TIGIT: variants seen among roughly 807,000 people sequenced by gnomAD.
The protein encoded by TIGIT is T cell immunoreceptor with Ig and ITIM domains, also known as T-cell immunoreceptor with Ig and ITIM domains.
Under a neutral mutation model 19.6 loss-of-function variants are expected in TIGIT, and 11 were observed. The observed-to-expected ratio is 0.56, with a 90% CI of 0.35 to 0.93. The LOEUF (loss-of-function observed/expected upper bound fraction) is 0.93, where lower values mean the gene tolerates loss of function less well. TIGIT is among the 40% of genes least tolerant of loss of function. The pLI, the probability that TIGIT is intolerant of heterozygous loss-of-function variation, is 0.01. For missense variants in TIGIT, 295 were observed against 303.9 expected (o/e 0.97, Z 0.22); for synonymous variants, 130 against 125.5 (o/e 1.04, Z -0.24).
At chr3:114,301,521 TG>T (rs1410074807) in intron 3 of TIGIT, among the ~76,000 whole-genome samples, 1 of 152,140 alleles carries the variant, frequency 6.6e-6, no homozygotes, top group African/African-American at 2.4e-5. Flanking sequence ...GCTGCTATGG[TG>T]GTTGGTGAAC....
intron 2 of TIGIT, among the ~76,000 whole-genome samples, chr3:114,297,339 A>G (rs2078461537): frequency 2.0e-5 from 3 of 152,192 alleles, no homozygotes; most frequent in South Asian, 2.1e-4. Context: ...ATGAGCTGAT[A>G]CAAGTAAGGT....
rs2107956980 is a variant in TIGIT, at chr3:114,308,053, T to C, written c.657T>C (p.Cys219=). 1.2e-6 allele frequency: 2 copies of C among 1,614,202 alleles called. No homozygotes were observed. The highest frequency in any genetic ancestry group is 1.7e-6 in the Non-Finnish European group (2 of 1,180,034). The change falls in exon 4 of 4, where the codon TGT becomes TGC. Residue 219 remains cysteine (C), a synonymous_variant. Transcript: ENST00000383671. ...GTGGAGAGCAGCGGGGAGAGGACTG[T>C]GCCGAGCTGCATGACTACTTCAATG... ...GLCGEQRGED[C]AELHDYFNVL... is the part of the protein sequence containing the mutation.
In TIGIT at chr3:114,310,011, T is replaced by G. The variant is rs1172100045; in HGVS notation, c.*1880T>G. 1 of 152,202 alleles carries G rather than the reference T, an allele frequency of 6.6e-6. No individual in the cohort carries two copies. Among genetic ancestry groups the G allele is most frequent in the Non-Finnish European group, 1.5e-5 (1 of 68,034 alleles). The allele number at this position is 152,202 out of a possible 1,614,324, so 9.4% of individuals were successfully genotyped here. On this transcript the variant is annotated 3_prime_UTR_variant, in exon 4 of 4. Coordinates refer to ENST00000383671, the MANE Select transcript of TIGIT (RefSeq NM_173799.4). The stretch of plus-strand genomic sequence containing the variant: ...TTTAAATAGAACTCACTGAACTAGA[T>G]TCTCCTCTGAGAACCAGAGAAGACC...
In TIGIT at chr3:114,308,215, C is replaced by CTGTG; in HGVS notation, c.*86_*87insTGTG. The CTGTG allele has an allele frequency of 2.0e-6, 2 of 992,218 alleles. No individual in the cohort carries two copies. Among genetic ancestry groups the CTGTG allele is most frequent in the Non-Finnish European group, 1.6e-6 (1 of 643,298 alleles). 61.5% of individuals were successfully genotyped at this position (992,218 alleles called of 1,614,324 possible). A position where few individuals can be genotyped will look rare whatever the true frequency, so the allele number is the denominator to read the frequency against. ...TAAGCAGCTGTACTCTCCATCAGTG[C>CTGTG]TGCGTGTGTGTGTGTGTGTGTATGT... On this transcript the variant is annotated 3_prime_UTR_variant, in exon 4 of 4. Transcript: ENST00000383671.
At position 114,309,051 on chromosome 3, in the gene TIGIT, C is replaced by T. The variant is rs1260398402; in HGVS notation, c.*920C>T. 1 of 152,230 alleles carries T rather than the reference C, an allele frequency of 6.6e-6. No individual in the cohort carries two copies. The highest frequency in any genetic ancestry group is 2.4e-5 in the African/African-American group (1 of 41,434). 9.4% of individuals were successfully genotyped at this position (152,230 alleles called of 1,614,324 possible). ...AAGCCCCAGGAAACGCACATGCCCA[C>T]ACAGGGAGCCAAGTCGTAGCATTTG... is the stretch of plus-strand genomic sequence containing the variant. On this transcript the variant is annotated 3_prime_UTR_variant, in exon 4 of 4. Transcript: ENST00000383671.
intron 2 of TIGIT, among the ~76,000 whole-genome samples, chr3:114,297,123 C>T (rs1004363739): frequency 6.6e-6 from 1 of 151,856 alleles, no homozygotes. Flanking sequence ...CTCAAACTCC[C>T]GACCTCCAGT....
chr3:114,308,154 G>A lies in TIGIT; in HGVS notation c.*23G>A. The A allele has an allele frequency of 6.2e-7, 1 of 1,601,472 alleles. No homozygotes were observed. Among genetic ancestry groups the A allele is most frequent in the South Asian group, 1.1e-5 (1 of 90,482 alleles). On this transcript the variant is annotated 3_prime_UTR_variant, in exon 4 of 4. Transcript: ENST00000383671. ...TAGCAACCAGAGGCATCTTCTGGAA[G>A]ATACACTTTTGTCTTTGCTATTATA... is the stretch of plus-strand genomic sequence containing the variant.
intron 2 of TIGIT, among the ~76,000 whole-genome samples, chr3:114,298,962 C>T (rs771465485): frequency 2.4e-4 from 37 of 152,344 alleles, no homozygotes; most frequent in Middle Eastern, 3.4e-3. Context: ...CTTCTTGCTT[C>T]CACTTACATG....
chr3:114,295,899 G>T, intron 2 of TIGIT, 25 bp downstream of exon 2: 2 of 1,556,614 alleles, frequency 1.3e-6, no homozygotes, highest in Non-Finnish European at 1.8e-6. Flanking sequence ...GCAAGTTGGT[G>T]GATAAACCTC....
intron 3 of TIGIT, among the ~76,000 whole-genome samples, chr3:114,306,375 C>T (rs937988523): frequency 1.3e-5 from 2 of 152,178 alleles, no homozygotes; most frequent in Admixed American, 6.5e-5. Flanking sequence ...GCTCTCTCAG[C>T]TCCCTTAATC....
chr3:114,308,081 C>G lies in TIGIT; in HGVS notation c.685C>G (p.Leu229Val), dbSNP rs935162780. The change falls in exon 4 of 4, where the codon CTG (leucine) becomes GTG (valine). Residue 229 changes from leucine (L) to valine (V), a missense_variant. Transcript: ENST00000383671. ...CGAGCTGCATGACTACTTCAATGTC[C>G]TGAGTTACAGAAGCCTGGGTAACTG... ...CAELHDYFNV[L>V]SYRSLGNCSF... The G allele has an allele frequency of 1.2e-6, 2 of 1,614,172 alleles. No homozygotes were observed. The highest frequency in any genetic ancestry group is 1.3e-5 in the African/African-American group (1 of 75,030).
Position 114,308,721 on chromosome 3 carries a change from C to G in TIGIT, c.*590C>G, listed in dbSNP as rs1448490139. On this transcript the variant is annotated 3_prime_UTR_variant, in exon 4 of 4. Coordinates refer to ENST00000383671, the MANE Select transcript of TIGIT (RefSeq NM_173799.4). The stretch of plus-strand genomic sequence containing the variant: ...AAGGAGAGAAGGAGACATACACAGG[C>G]CTTCAGGAAGAGACGACAGTTTGGG... 1.3e-5 allele frequency: 2 copies of G among 152,418 alleles called. No homozygotes were observed. The highest frequency in any genetic ancestry group is 2.9e-5 in the Non-Finnish European group (2 of 68,282). 9.4% of individuals were successfully genotyped at this position (152,418 alleles called of 1,614,324 possible).
chr3:114,303,219 C>T (rs953310442), intron 3 of TIGIT, among the ~76,000 whole-genome samples: 54 of 151,842 alleles, frequency 3.6e-4, no homozygotes, highest in South Asian at 4.2e-4. Flanking sequence ...ACCCATCACC[C>T]GAACAGTGTA....
intron 3 of TIGIT, 96 bp from the exon 4 acceptor site, chr3:114,307,799 G>C: frequency 9.1e-7 from 1 of 1,097,872 alleles, no homozygotes. Context: ...TTGCTGGTGT[G>C]CATGTGTGTA....
rs1702346164 is a variant in TIGIT, at chr3:114,301,101, A to G, written c.498+1398A>G. Among the ~76,000 whole-genome samples, 3 of 152,172 alleles carry G rather than the reference A, an allele frequency of 2.0e-5. No homozygotes were observed. The South Asian group carries it at 6.2e-4, about 31-fold the overall frequency. ...TCAGCTACTGGTATTGATTGGGAGG[A>G]GTGAAAGAATTTCCACTCCTTGTTT... On this transcript the variant is annotated intron_variant, in intron 3 of 3. Coordinates refer to ENST00000383671, the MANE Select transcript of TIGIT (RefSeq NM_173799.4).
Position 114,309,162 on chromosome 3 carries a change from T to A in TIGIT, c.*1031T>A, listed in dbSNP as rs1243497736. The A allele has an allele frequency of 2.0e-5, 3 of 152,208 alleles. No homozygotes were observed. The highest frequency in any genetic ancestry group is 4.8e-5 in the African/African-American group (2 of 41,456). The allele number at this position is 152,208 out of a possible 1,614,324, so 9.4% of individuals were successfully genotyped here. On this transcript the variant is annotated 3_prime_UTR_variant, in exon 4 of 4. Coordinates refer to ENST00000383671, the MANE Select transcript of TIGIT (RefSeq NM_173799.4). ...CCACTAAAAAGAAAATGTGGATTTT[T>A]AAAATAGGGACTCTTCCTAGGGGAA...
At position 114,295,499 on chromosome 3, in the gene TIGIT, C is replaced by T. The variant is rs532564018; in HGVS notation, c.62-46C>T. ...AGAATTTTTCTAGGAAGGTTGAAGG[C>T]CAGCTGCTGACCCAGGACTCACATG... On this transcript the variant is annotated intron_variant, in intron 1 of 3. Transcript: ENST00000383671. The T allele has an allele frequency of 3.8e-4, 573 of 1,521,164 alleles. 8 individuals are homozygous for T. The South Asian group carries it at 6.6e-3, about 18-fold the overall frequency. The allele number at this position is 1,521,164 out of a possible 1,614,324, so 94.2% of individuals were successfully genotyped here.
In TIGIT at chr3:114,308,961, G is replaced by A. The variant is rs1057224521; in HGVS notation, c.*830G>A. 2.6e-5 allele frequency: 4 copies of A among 152,214 alleles called. No individual in the cohort carries two copies. Among genetic ancestry groups the A allele is most frequent in the Non-Finnish European group, 4.4e-5 (3 of 68,074 alleles). 9.4% of individuals were successfully genotyped at this position (152,214 alleles called of 1,614,324 possible). ...GGCATTTCAAGTTTCCTTTTGCTGTGACATACTCATCCATTAGACAGCCTG... is the reference window on the plus strand; with the variant it reads ...GGCATTTCAAGTTTCCTTTTGCTGTAACATACTCATCCATTAGACAGCCTG... On this transcript the variant is annotated 3_prime_UTR_variant, in exon 4 of 4. Coordinates refer to ENST00000383671, the MANE Select transcript of TIGIT (RefSeq NM_173799.4).
At chr3:114,303,978 T>C (rs1345424195) in intron 3 of TIGIT, among the ~76,000 whole-genome samples, 1 of 152,136 alleles carries the variant, frequency 6.6e-6, no homozygotes. Flanking sequence ...GGTGGTATTG[T>C]GTTTTGATTT....
Sources: allele counts gnomAD v4.1 joint callset (sites outside exome capture counted in the v4.1 genomes callset), GRCh38; gene constraint gnomAD v4.1.1; transcripts MANE v1.5; gene names NCBI Gene and HGNC (gene_info 2026-07-23, HGNC 2026-07-21).